The following TRHDE variants were observed in gnomAD, a reference collection of about 807,000 sequenced individuals.
The protein encoded by TRHDE is thyrotropin releasing hormone degrading enzyme.
Under a neutral mutation model 125.7 loss-of-function variants are expected in TRHDE, and 72 were observed. The observed-to-expected ratio is 0.57, with a 90% CI of 0.47 to 0.70. The LOEUF (loss-of-function observed/expected upper bound fraction) is 0.70. Among genes scored for constraint, TRHDE ranks in the 30% least tolerant of loss-of-function variants. TRHDE has a pLI of 0.00. For synonymous variants in TRHDE, 509 were observed against 509.1 expected, an observed-to-expected ratio of 1.00 and a Z score of 0.00; for missense variants, 1,110 against 1,327.1, an observed-to-expected ratio of 0.84 and a Z score of 2.54.
At chr12:72,531,576 A>C (rs1868556924) in intron 6 of TRHDE, among the ~76,000 whole-genome samples, 1 of 151,740 alleles carries the variant, frequency 6.6e-6, no homozygotes, top group Non-Finnish European at 1.5e-5. Context: ...TTTTCTCCTA[A>C]TATTTTTAAA....
intron 2 of TRHDE, among the ~76,000 whole-genome samples, chr12:72,180,215 A>G (rs1428463726): frequency 6.6e-6 from 1 of 152,054 alleles, no homozygotes; most frequent in African/African-American, 2.4e-5. Context: ...TTTGTTATAT[A>G]TTTTAAAGCA....
At chr12:72,156,199 A>G (rs1327125736) in intron 2 of TRHDE, among the ~76,000 whole-genome samples, 1 of 152,182 alleles carries the variant, frequency 6.6e-6, no homozygotes, top group African/African-American at 2.4e-5. Context: ...TGAGCTAGGC[A>G]TGGGATACAA....
At chr12:72,143,362 TG>T (rs1163502894) in intron 2 of TRHDE, among the ~76,000 whole-genome samples, 5 of 152,096 alleles carry the variant, frequency 3.3e-5, no homozygotes, top group Non-Finnish European at 5.9e-5. Flanking sequence ...AATTAGGAAC[TG>T]GCCAGATGAG....
At chr12:72,127,881 G>GTA (rs1166663776) in intron 2 of TRHDE, among the ~76,000 whole-genome samples, 4 of 151,456 alleles carry the variant, frequency 2.6e-5, no homozygotes, top group East Asian at 3.9e-4. Context: ...ATATGTGTGT[G>GTA]TATATATATA....
At chr12:72,251,428 T>A (rs1878681742) in intron 2 of TRHDE, among the ~76,000 whole-genome samples, 2 of 151,492 alleles carry the variant, frequency 1.3e-5, no homozygotes, top group Non-Finnish European at 3.0e-5. Flanking sequence ...GGGGCTTTTT[T>A]TTTTTTTTTT....
intron 2 of TRHDE, among the ~76,000 whole-genome samples, chr12:72,314,660 T>G (rs1432311128): frequency 2.0e-5 from 3 of 152,176 alleles, no homozygotes; most frequent in African/African-American, 7.2e-5. Flanking sequence ...TGCCTCCCTT[T>G]GGACCTACCA....
chr12:72,225,640 C>G (rs1194741331), intron 2 of TRHDE, among the ~76,000 whole-genome samples: 1 of 152,162 alleles, frequency 6.6e-6, no homozygotes, highest in Non-Finnish European at 1.5e-5. Flanking sequence ...CGTGAAAGGT[C>G]AACTGTATTG....
chr12:72,272,718 GA>G lies in TRHDE; in HGVS notation c.77del (p.Lys26ArgfsTer165). The G allele has an allele frequency of 1.4e-6, 2 of 1,424,770 alleles. No homozygotes were observed. Among genetic ancestry groups the G allele is most frequent in the African/African-American group, 1.5e-5 (1 of 66,486 alleles). The allele number at this position is 1,424,770 out of a possible 1,614,324, so 88.3% of individuals were successfully genotyped here. On this transcript the variant is annotated frameshift_variant, in exon 1 of 19. Transcript: ENST00000261180. LOFTEE classifies it high-confidence loss of function. This position sits in a 1 kb window ranked among gnomAD's most constrained non-coding sequence, Gnocchi z 6.7. ...AGAAGAAAAAGAAGAGGAAGAAGAA[GA>G]AGGAGGAGGAGGAGGAGGAGGAGGG... The part of the protein sequence containing the change: ...KKKKKKRKKK[K>X]EEEEEEEGAE...
At chr12:72,224,758 C>T (rs1361973232) in intron 2 of TRHDE, among the ~76,000 whole-genome samples, 1 of 152,072 alleles carries the variant, frequency 6.6e-6, no homozygotes, top group East Asian at 1.9e-4. Flanking sequence ...GAGTATTTTG[C>T]AGCATTTGTA....
chr12:72,429,165 AG>A (rs1227377273), intron 3 of TRHDE, among the ~76,000 whole-genome samples: 1 of 151,950 alleles, frequency 6.6e-6, no homozygotes, highest in Admixed American at 6.6e-5. Flanking sequence ...GGACACAGGG[AG>A]GGGAACATCA....
At chr12:72,463,620 C>A (rs1241115161) in intron 3 of TRHDE, among the ~76,000 whole-genome samples, 3 of 152,108 alleles carry the variant, frequency 2.0e-5, no homozygotes, top group Admixed American at 6.5e-5. Context: ...AATATTTGAG[C>A]TGGAGGATAC....
Position 72,273,165 on chromosome 12 carries a change from G to A in TRHDE, c.522G>A (p.Glu174=), listed in dbSNP as rs1359649864. 1 of 1,585,800 alleles carries A rather than the reference G, an allele frequency of 6.3e-7. No individual in the cohort carries two copies. Residue 174 remains glutamate, a synonymous_variant, in exon 1 of 19, where the codon GAG becomes GAA. Transcript: ENST00000261180. This position sits in a 1 kb window ranked among gnomAD's most constrained non-coding sequence, Gnocchi z 5.3. ...TTSAQPPSEE[E]REPWEPWTQL... is the part of the protein sequence containing the mutation. ...CGGCCCAGCCGCCGTCGGAGGAGGAGCGGGAGCCGTGGGAGCCGTGGACGC... is the reference window on the plus strand; with the variant it reads ...CGGCCCAGCCGCCGTCGGAGGAGGAACGGGAGCCGTGGGAGCCGTGGACGC...
Position 72,505,294 on chromosome 12 carries a change from C to T in TRHDE, c.1722+5659C>T, listed in dbSNP as rs1003517008. 2.0e-5 allele frequency among the ~76,000 whole-genome samples: 3 copies of T among 152,156 alleles called. No individual in the cohort carries two copies. The East Asian group carries it at 5.8e-4, about 29-fold the overall frequency. ...AGATCTGGTGAAATAACAAGTTTCC[C>T]ATTTTAATAGTAGATTGAAAATGCT... On this transcript the variant is annotated intron_variant, in intron 6 of 18. Coordinates refer to ENST00000261180, the MANE Select transcript of TRHDE (RefSeq NM_013381.3).
At chr12:72,527,524 C>T (rs1292974096) in intron 6 of TRHDE, among the ~76,000 whole-genome samples, 2 of 148,972 alleles carry the variant, frequency 1.3e-5, no homozygotes, top group African/African-American at 5.0e-5. Flanking sequence ...GGGGACCAGA[C>T]AGATAACTCT....
intron 5 of TRHDE, among the ~76,000 whole-genome samples, chr12:72,478,876 G>C (rs1877019091): frequency 7.9e-6 from 1 of 127,134 alleles, no homozygotes; most frequent in African/African-American, 3.0e-5. Context: ...CCTGACACTG[G>C]AATCTAACCA....
chr12:72,332,078 G>T (rs1869623855), intron 2 of TRHDE, among the ~76,000 whole-genome samples: 1 of 152,122 alleles, frequency 6.6e-6, no homozygotes, highest in African/African-American at 2.4e-5. Context: ...AAGGTGAAGG[G>T]CAGAGGGCAG....
intron 6 of TRHDE, among the ~76,000 whole-genome samples, chr12:72,527,820 A>G (rs746558790): frequency 1.7e-4 from 26 of 152,154 alleles, no homozygotes; most frequent in Non-Finnish European, 2.6e-4. Context: ...AAAAAGTATG[A>G]ATTTCATCAT....
chr12:72,248,635 A>G (rs1420881190), intron 2 of TRHDE, among the ~76,000 whole-genome samples: 2 of 152,128 alleles, frequency 1.3e-5, no homozygotes, highest in African/African-American at 4.8e-5. Flanking sequence ...TGATTGTGTA[A>G]TGGTTCTTCT....
intron 15 of TRHDE, among the ~76,000 whole-genome samples, chr12:72,638,647 C>T (rs577360626): frequency 1.7e-4 from 26 of 152,056 alleles, no homozygotes; most frequent in African/African-American, 4.3e-4. Flanking sequence ...TGGTACCGGT[C>T]GTTCCATTCC....
Sources: allele counts gnomAD v4.1 joint callset (sites outside exome capture counted in the v4.1 genomes callset), GRCh38; gene constraint gnomAD v4.1.1; non-coding constraint Gnocchi (gnomAD v3.1); transcripts MANE v1.5; gene names NCBI Gene and HGNC (gene_info 2026-07-23, HGNC 2026-07-21).